WDFY2: variants seen among roughly 807,000 people sequenced by gnomAD.
WDFY2 encodes the protein WD repeat and FYVE domain containing 2.
WDFY2 carries 36 observed loss-of-function variants against 56.4 expected under a neutral mutation model. The observed-to-expected ratio is 0.64, with a 90% CI of 0.49 to 0.84. The LOEUF (loss-of-function observed/expected upper bound fraction) is 0.84. Among genes scored for constraint, WDFY2 ranks in the 40% least tolerant of loss-of-function variants. The pLI, the probability that WDFY2 is intolerant of heterozygous loss-of-function variation, is 0.00. For synonymous variants in WDFY2, 176 were observed against 183.7 expected (o/e 0.96, Z 0.34); for missense variants, 444 against 512.2 (o/e 0.87, Z 1.29).
intron 9 of WDFY2, among the ~76,000 whole-genome samples, chr13:51,755,954 T>A (rs1953366728): frequency 6.6e-6 from 1 of 152,066 alleles, no homozygotes; most frequent in East Asian, 1.9e-4. Context: ...TTCAATCAGG[T>A]TTCCTGCATG....
At chr13:51,731,448 A>G (rs954170578) in intron 6 of WDFY2, among the ~76,000 whole-genome samples, 1 of 152,208 alleles carries the variant, frequency 6.6e-6, no homozygotes, top group African/African-American at 2.4e-5. Flanking sequence ...TATTTTTATC[A>G]AGAAATATAT....
intron 1 of WDFY2, among the ~76,000 whole-genome samples, chr13:51,599,900 A>C (rs74086213): frequency 0.014 from 2,076 of 151,994 alleles, 36 homozygotes; most frequent in African/African-American, 0.044. Context: ...AACAAACAAA[A>C]AAAAAAACAA....
chr13:51,660,533 T>C, intron 1 of WDFY2, 63 bp from the exon 2 acceptor site: 1 of 1,499,486 alleles, frequency 6.7e-7, no homozygotes, highest in Non-Finnish European at 9.3e-7. Flanking sequence ...GTTTTCTATG[T>C]ATCAGCATTT....
At chr13:51,718,946 G>A (rs1260861039) in intron 4 of WDFY2, among the ~76,000 whole-genome samples, 1 of 152,190 alleles carries the variant, frequency 6.6e-6, no homozygotes, top group African/African-American at 2.4e-5. Flanking sequence ...TGGCACAAGT[G>A]GGGCAGGAGG....
In WDFY2 at chr13:51,642,299, G is replaced by A. The variant is rs1252331179; in HGVS notation, c.138-18297G>A. On this transcript the variant is annotated intron_variant, in intron 1 of 11. Coordinates refer to ENST00000298125, the MANE Select transcript of WDFY2 (RefSeq NM_052950.4). ...TGAGATTTTTATTTTATTTTATTTT[G>A]TTTTTTGAGACAGAGTCTTGCTCTG... 1.7e-4 allele frequency among the ~76,000 whole-genome samples: 25 copies of A among 151,134 alleles called. 1 individual carries two copies. The highest frequency in any genetic ancestry group is 1.4e-3 in the Admixed American group (22 of 15,176).
intron 1 of WDFY2, among the ~76,000 whole-genome samples, chr13:51,650,856 G>T (rs1955366401): frequency 6.6e-6 from 1 of 152,186 alleles, no homozygotes; most frequent in Non-Finnish European, 1.5e-5. Context: ...ATTCATCAGG[G>T]ATATTGGTCT....
intron 3 of WDFY2, among the ~76,000 whole-genome samples, chr13:51,678,978 A>G (rs942815117): frequency 6.6e-6 from 1 of 152,142 alleles, no homozygotes; most frequent in African/African-American, 2.4e-5. Flanking sequence ...ATTTCAGACA[A>G]AATTAATGGA....
intron 1 of WDFY2, among the ~76,000 whole-genome samples, chr13:51,638,106 A>G (rs895907862): frequency 1.3e-5 from 2 of 152,220 alleles, no homozygotes; most frequent in Non-Finnish European, 2.9e-5. Flanking sequence ...GCTAGGGTGG[A>G]TAGGGTCAGA....
rs879596530 is a variant in WDFY2 at position 51,757,636 on chromosome 13, T to TA, written c.1065-543dup. Among the ~76,000 whole-genome samples, 860 of 142,592 alleles carry TA rather than the reference T, an allele frequency of 6.0e-3. 5 individuals are homozygous for TA. Among genetic ancestry groups the TA allele is most frequent in the African/African-American group, 0.015 (606 of 39,106 alleles). The allele number at this position is 142,592 out of a possible 152,430, so 93.5% of individuals were successfully genotyped here. A position where few individuals can be genotyped will look rare whatever the true frequency, so the allele number is the denominator to read the frequency against. On this transcript the variant is annotated intron_variant, in intron 10 of 11. Transcript: ENST00000298125. Reference sequence around the variant, plus strand: ...TAGGCAGCTGACAAGTCTTCTTACTTAAAAAAAAAAAAAGTATAGGTAAAA... The same window carrying TA: ...TAGGCAGCTGACAAGTCTTCTTACTTAAAAAAAAAAAAAAGTATAGGTAAAA...
At chr13:51,680,806 A>G (rs1420611578) in intron 3 of WDFY2, among the ~76,000 whole-genome samples, 1 of 152,206 alleles carries the variant, frequency 6.6e-6, no homozygotes, top group Non-Finnish European at 1.5e-5. Context: ...CCATGTCAGG[A>G]TAATGGTGGC....
intron 6 of WDFY2, among the ~76,000 whole-genome samples, chr13:51,734,944 C>T (rs900253984): frequency 6.6e-6 from 1 of 152,182 alleles, no homozygotes; most frequent in African/African-American, 2.4e-5. Context: ...TGGGCTCTGC[C>T]CCCAGTGTGG....
intron 4 of WDFY2, among the ~76,000 whole-genome samples, chr13:51,706,531 G>T (rs1418045422): frequency 6.6e-6 from 1 of 152,190 alleles, no homozygotes; most frequent in Admixed American, 6.5e-5. Flanking sequence ...TGGCCCTGAA[G>T]ACTACAAGGA....
At chr13:51,746,183 C>T (rs1371002782) in intron 7 of WDFY2, among the ~76,000 whole-genome samples, 2 of 151,800 alleles carry the variant, frequency 1.3e-5, no homozygotes, top group Admixed American at 6.6e-5. Flanking sequence ...GGTTTCTCCA[C>T]ATTAGCCAGG....
intron 5 of WDFY2, among the ~76,000 whole-genome samples, chr13:51,722,572 T>C (rs1013594352): frequency 6.6e-6 from 1 of 152,196 alleles, no homozygotes; most frequent in Non-Finnish European, 1.5e-5. Context: ...CTTTTACACA[T>C]TACTTTGTTC....
intron 4 of WDFY2, 145 bp from the exon 5 acceptor site, chr13:51,719,053 C>G (rs1952429167): frequency 8.8e-7 from 1 of 1,135,004 alleles, no homozygotes; most frequent in Non-Finnish European, 1.3e-6. Context: ...CCACGAGAAC[C>G]ACTGTTCTAC....
chr13:51,754,989 C>T (rs1953333416), intron 8 of WDFY2, among the ~76,000 whole-genome samples: 3 of 152,200 alleles, frequency 2.0e-5, no homozygotes, highest in South Asian at 2.1e-4. Flanking sequence ...CATCTGTGCT[C>T]CAGCCATCCC....
intron 3 of WDFY2, among the ~76,000 whole-genome samples, chr13:51,691,177 C>T (rs566471558): frequency 6.6e-6 from 1 of 152,204 alleles, no homozygotes; most frequent in African/African-American, 2.4e-5. Context: ...GTTTCTTTTG[C>T]TGTGCAGAAG....
chr13:51,613,180 G>A (rs551466413), intron 1 of WDFY2, among the ~76,000 whole-genome samples: 30 of 151,912 alleles, frequency 2.0e-4, no homozygotes, highest in Admixed American at 1.4e-3. Context: ...CTGCACTCCA[G>A]CCTGGGTGAC....
At chr13:51,716,456 G>T in intron 4 of WDFY2, among the ~76,000 whole-genome samples, 1 of 152,004 alleles carries the variant, frequency 6.6e-6, no homozygotes, top group Non-Finnish European at 1.5e-5. Flanking sequence ...ACTTTGGGAG[G>T]CCGAGGCGGG....
Sources: allele counts gnomAD v4.1 joint callset (sites outside exome capture counted in the v4.1 genomes callset), GRCh38; gene constraint gnomAD v4.1.1; transcripts MANE v1.5; gene names NCBI Gene and HGNC (gene_info 2026-07-23, HGNC 2026-07-21).